NLRP8: variants seen among roughly 807,000 people sequenced by gnomAD.
The protein encoded by NLRP8 is NACHT, LRR and PYD domains-containing protein 8.
NLRP8 carries 86 observed loss-of-function variants against 88.7 expected under a neutral mutation model. The observed-to-expected ratio is 0.97, with a 90% confidence interval of 0.81 to 1.16. The LOEUF (loss-of-function observed/expected upper bound fraction) is 1.16, where lower values mean the gene tolerates loss of function less well. Among genes scored for constraint, NLRP8 ranks in the 50% most tolerant of loss-of-function variants. The pLI is 0.00. For synonymous variants in NLRP8, 504 were observed against 494.6 expected (o/e 1.02, Z -0.25); for missense variants, 1,342 against 1,286.5 (o/e 1.04, Z -0.66).
chr19:55,979,362 T>C, intron 8 of NLRP8, 32 bp from the exon 9 acceptor site: 3 of 1,611,490 alleles, frequency 1.9e-6, no homozygotes, highest in Non-Finnish European at 2.5e-6. Flanking sequence ...TGATGACTTC[T>C]CTGCTGTCTG....
rs1480872043 is a variant in NLRP8, at chr19:55,952,630, A to G, written c.442+18A>G. ...AGAATCTGGTATGTGCCTGTATCACAGCAGACCCTGGTGAAAAAATGGGCT... is the reference window on the plus strand; with the variant it reads ...AGAATCTGGTATGTGCCTGTATCACGGCAGACCCTGGTGAAAAAATGGGCT... On this transcript the variant is annotated intron_variant, in intron 2 of 9. Transcript: ENST00000291971. The G allele has an allele frequency of 1.9e-6, 3 of 1,607,718 alleles. No individual in the cohort carries two copies. Among genetic ancestry groups the G allele is most frequent in the African/African-American group, 2.7e-5 (2 of 74,822 alleles).
intron 1 of NLRP8, among the ~76,000 whole-genome samples, chr19:55,948,908 A>C (rs1239085354): frequency 6.6e-6 from 1 of 152,240 alleles, no homozygotes; most frequent in Non-Finnish European, 1.5e-5. Flanking sequence ...ATTTAAAGCA[A>C]GAAGGTTAAA....
rs755028516 is a variant in NLRP8, at chr19:55,970,589, C to CA, written c.2429dup (p.Asn810LysfsTer2). The CA allele has an allele frequency of 1.9e-6, 3 of 1,613,912 alleles. No individual in the cohort carries two copies. In the African/African-American group the frequency reaches 4.0e-5, roughly 22 times the overall value. On this transcript the variant is annotated frameshift_variant, in exon 6 of 10. Transcript: ENST00000291971. LOFTEE classifies it high-confidence loss of function. Reference sequence around the variant, plus strand: ...CCCCTAGAATTTGGACTGATCTTGGCAATAATCTTCAAGGTAACGGGCATC... The same window carrying CA: ...CCCCTAGAATTTGGACTGATCTTGGCAAATAATCTTCAAGGTAACGGGCATC...
intron 2 of NLRP8, among the ~76,000 whole-genome samples, chr19:55,953,476 C>G (rs528425374): frequency 6.8e-6 from 1 of 147,710 alleles, no homozygotes; most frequent in East Asian, 2.0e-4. Context: ...GAGTGTGTCT[C>G]TATTTCTTTC....
At chr19:55,950,608 G>A (rs1326175943) in intron 1 of NLRP8, among the ~76,000 whole-genome samples, 1 of 152,210 alleles carries the variant, frequency 6.6e-6, no homozygotes, top group African/African-American at 2.4e-5. Flanking sequence ...TGACCTCCTA[G>A]CCGAGGTCAA....
intron 9 of NLRP8, among the ~76,000 whole-genome samples, chr19:55,979,783 G>A (rs1465319635): frequency 6.6e-6 from 1 of 152,044 alleles, no homozygotes; most frequent in Non-Finnish European, 1.5e-5. Context: ...ACTAGGCATG[G>A]TGGTGCATGC....
intron 1 of NLRP8, among the ~76,000 whole-genome samples, chr19:55,951,753 G>GT (rs993758942): frequency 3.3e-5 from 5 of 151,934 alleles, no homozygotes; most frequent in Non-Finnish European, 7.4e-5. Context: ...CCTGTATTGG[G>GT]TTTTTTATTT....
rs764726870 is a variant in NLRP8 at position 55,988,539 on chromosome 19, T to G, written c.*626T>G. On this transcript the variant is annotated 3_prime_UTR_variant, in exon 10 of 10. Transcript: ENST00000291971. ...GATATAGACAAAGTCTTCATCGTCTTCTTGCTTCTTCTACCTTTATTTATT... is the reference window on the plus strand; with the variant it reads ...GATATAGACAAAGTCTTCATCGTCTGCTTGCTTCTTCTACCTTTATTTATT... 6.6e-6 allele frequency: 1 copy of G among 150,462 alleles called. No individual in the cohort carries two copies. Among genetic ancestry groups the G allele is most frequent in the Non-Finnish European group, 1.5e-5 (1 of 67,832 alleles). The allele number at this position is 150,462 out of a possible 1,614,324, so 9.3% of individuals were successfully genotyped here.
intron 9 of NLRP8, among the ~76,000 whole-genome samples, chr19:55,986,056 A>G (rs1454850166): frequency 6.6e-6 from 1 of 152,166 alleles, no homozygotes; most frequent in Non-Finnish European, 1.5e-5. Flanking sequence ...TTCTGTTTCA[A>G]GATTACTAAG....
At chr19:55,966,019 C>T (rs1374776118) in intron 4 of NLRP8, among the ~76,000 whole-genome samples, 194 bp from the exon 5 acceptor site, 1 of 152,144 alleles carries the variant, frequency 6.6e-6, no homozygotes, top group Non-Finnish European at 1.5e-5. Flanking sequence ...TTACAGTTTT[C>T]CCAGGATAGG....
intron 7 of NLRP8, among the ~76,000 whole-genome samples, chr19:55,975,603 T>G (rs1980274976): frequency 6.6e-6 from 1 of 152,226 alleles, no homozygotes; most frequent in South Asian, 2.1e-4. Flanking sequence ...ATTTAATTGT[T>G]AAATGAAATA....
rs1978913241 is a variant in NLRP8, at chr19:55,947,883, G to A, written c.-20G>A. 1 of 1,594,080 alleles carries A rather than the reference G, an allele frequency of 6.3e-7. No individual in the cohort carries two copies. Among genetic ancestry groups the A allele is most frequent in the South Asian group, 1.1e-5 (1 of 87,282 alleles). ...TTGTCTTTATCGTGGACACTGAGGT[G>A]TTCTCTGCCTTGACTAAAGATGAGT... On this transcript the variant is annotated 5_prime_UTR_variant, in exon 1 of 10. Coordinates refer to ENST00000291971, the MANE Select transcript of NLRP8 (RefSeq NM_176811.2).
Position 55,948,680 on chromosome 19 carries a change from C to T in NLRP8, c.367+411C>T, listed in dbSNP as rs558501888. Among the ~76,000 whole-genome samples, 19 of 152,256 alleles carry T rather than the reference C, an allele frequency of 1.2e-4. No individual in the cohort carries two copies. In the South Asian group the frequency reaches 2.5e-3, roughly 20 times the overall value. ...CTCGAACTACTGACCTCAGGTAATCCGCCTGCCTTGGCCCCCCAAAGTGCT... is the reference window on the plus strand; with the variant it reads ...CTCGAACTACTGACCTCAGGTAATCTGCCTGCCTTGGCCCCCCAAAGTGCT... On this transcript the variant is annotated intron_variant, in intron 1 of 9. Transcript: ENST00000291971.
intron 5 of NLRP8, among the ~76,000 whole-genome samples, chr19:55,966,598 A>C (rs1358371276): frequency 6.6e-6 from 1 of 152,026 alleles, no homozygotes; most frequent in African/African-American, 2.4e-5. Flanking sequence ...GTAGAGACCA[A>C]CCTGGCCAAC....
intron 8 of NLRP8, 61 bp downstream of exon 8, chr19:55,976,364 G>C (rs1444236178): frequency 2.2e-6 from 3 of 1,387,188 alleles, no homozygotes; most frequent in Non-Finnish European, 2.9e-6. Context: ...CGTCTCTCAG[G>C]ATGGAATATA....
At chr19:55,951,972 G>A (rs561679232) in intron 1 of NLRP8, among the ~76,000 whole-genome samples, 4 of 151,754 alleles carry the variant, frequency 2.6e-5, no homozygotes, top group South Asian at 4.2e-4. Flanking sequence ...AGCTGGTCTC[G>A]AACTCCTTGG....
intron 3 of NLRP8, among the ~76,000 whole-genome samples, chr19:55,957,676 TA>T (rs1405976298): frequency 3.8e-3 from 8 of 2,100 alleles, no homozygotes; most frequent in African/African-American, 6.7e-3. Context: ...ATAATAATTA[TA>T]TATATATATA....
At chr19:55,956,693 T>G (rs1323822587) in intron 3 of NLRP8, among the ~76,000 whole-genome samples, 6 of 152,148 alleles carry the variant, frequency 3.9e-5, no homozygotes, top group Admixed American at 3.9e-4. Context: ...TATAGGACTT[T>G]CCGTGCTAAA....
At chr19:55,974,628 C>A (rs920323573) in intron 7 of NLRP8, among the ~76,000 whole-genome samples, 9 of 151,296 alleles carry the variant, frequency 5.9e-5, no homozygotes, top group Admixed American at 4.0e-4. Flanking sequence ...CCCAGCTACT[C>A]AGGAGGCTGA....
Sources: gnomAD v4.1 joint callset for allele counts (sites outside exome capture counted in the v4.1 genomes callset) on GRCh38, gnomAD v4.1.1 for gene constraint, MANE v1.5 for transcripts, NCBI Gene and HGNC (gene_info 2026-07-23, HGNC 2026-07-21) for gene names.